Variants in PHLPP1 observed in about 807,000 individuals in gnomAD.
PHLPP1 encodes the protein PH domain leucine-rich repeat-containing protein phosphatase 1.
Under a neutral mutation model 117.2 loss-of-function variants are expected in PHLPP1, and 42 were observed. The observed-to-expected ratio is 0.36, with a 90% CI of 0.28 to 0.46. The LOEUF is 0.46. Ranked by LOEUF, PHLPP1 falls within the 20% of genes least tolerant of loss-of-function variation. The probability of loss-of-function intolerance (pLI) is 1.00; values close to 1 mark genes in which losing one functional copy is unlikely to be tolerated. For synonymous variants in PHLPP1, 1,042 were observed against 970.7 expected (o/e 1.07, Z -1.37); for missense variants, 2,084 against 2,241.9 (o/e 0.93, Z 1.42).
At chr18:62,954,363 C>T (rs1416874777) in intron 12 of PHLPP1, among the ~76,000 whole-genome samples, 4 of 152,188 alleles carry the variant, frequency 2.6e-5, no homozygotes, top group Non-Finnish European at 5.9e-5. Context: ...AGTTGTAGTA[C>T]ACTAACCATA....
chr18:62,722,428 C>T (rs896170652), intron 1 of PHLPP1, among the ~76,000 whole-genome samples: 5 of 152,108 alleles, frequency 3.3e-5, no homozygotes, highest in East Asian at 1.9e-4. Flanking sequence ...CCTTTAAAGA[C>T]GCCTGACATT....
intron 1 of PHLPP1, among the ~76,000 whole-genome samples, chr18:62,822,174 C>G (rs893766567): frequency 6.6e-5 from 10 of 151,744 alleles, no homozygotes; most frequent in African/African-American, 2.4e-4. Context: ...CTCCAATATC[C>G]CTTTCTGATT....
At chr18:62,912,510 C>G (rs939461014) in intron 8 of PHLPP1, among the ~76,000 whole-genome samples, 5 of 151,994 alleles carry the variant, frequency 3.3e-5, no homozygotes, top group Non-Finnish European at 7.4e-5. Flanking sequence ...TCCTCCCACC[C>G]CCCAGCAACC....
chr18:62,972,391 AATC>A (rs1372778389), intron 14 of PHLPP1, 120 bp from the exon 15 acceptor site: 3 of 802,170 alleles, frequency 3.7e-6, no homozygotes, highest in Non-Finnish European at 5.8e-6. Flanking sequence ...ACCTGCCCTT[AATC>A]TGTCTGGAGT....
chr18:62,897,976 T>C (rs925369920), intron 6 of PHLPP1, among the ~76,000 whole-genome samples: 2 of 91,386 alleles, frequency 2.2e-5, no homozygotes, highest in South Asian at 7.4e-4. Flanking sequence ...TTGAGTTTGA[T>C]ATTATTTCTT....
At chr18:62,771,794 C>A (rs1413062605) in intron 1 of PHLPP1, among the ~76,000 whole-genome samples, 1 of 152,186 alleles carries the variant, frequency 6.6e-6, no homozygotes, top group Non-Finnish European at 1.5e-5. Flanking sequence ...ATACCTTCTT[C>A]TGTTAAGAAT....
intron 9 of PHLPP1, among the ~76,000 whole-genome samples, chr18:62,917,703 C>G (rs1463403573): frequency 6.6e-6 from 1 of 151,700 alleles, no homozygotes; most frequent in Non-Finnish European, 1.5e-5. Context: ...GTCCCAGCTA[C>G]TTGGAAGGCT....
At chr18:62,727,821 C>T (rs186553547) in intron 1 of PHLPP1, among the ~76,000 whole-genome samples, 110 of 152,108 alleles carry the variant, frequency 7.2e-4, no homozygotes, top group African/African-American at 2.6e-3. Context: ...CAATTTCCCA[C>T]GCCATCGTCA....
intron 4 of PHLPP1, among the ~76,000 whole-genome samples, chr18:62,891,237 A>G (rs1916399694): frequency 6.6e-6 from 1 of 152,222 alleles, no homozygotes; most frequent in Non-Finnish European, 1.5e-5. Flanking sequence ...GAGGACCTTA[A>G]GCAACATTTA....
chr18:62,887,937 CCT>C (rs1916321791), intron 4 of PHLPP1, among the ~76,000 whole-genome samples: 1 of 151,948 alleles, frequency 6.6e-6, no homozygotes, highest in South Asian at 2.1e-4. Flanking sequence ...ATGGGATCTC[CCT>C]GTGTTGCCCA....
chr18:62,915,663 T>C (rs1357931773), intron 9 of PHLPP1, among the ~76,000 whole-genome samples: 1 of 152,242 alleles, frequency 6.6e-6, no homozygotes, highest in Non-Finnish European at 1.5e-5. Context: ...AAAATATTAG[T>C]GGACTTTTAG....
At chr18:62,843,244 A>C (rs1368655980) in intron 3 of PHLPP1, among the ~76,000 whole-genome samples, 1 of 152,186 alleles carries the variant, frequency 6.6e-6, no homozygotes. Flanking sequence ...AAACAAACCA[A>C]CAACAGGAAC....
At chr18:62,746,567 T>A (rs959624793) in intron 1 of PHLPP1, among the ~76,000 whole-genome samples, 4 of 152,202 alleles carry the variant, frequency 2.6e-5, no homozygotes, top group Admixed American at 2.6e-4. Context: ...TTTTTTCTTT[T>A]AAAAAATGTA....
chr18:62,821,774 C>G (rs1347510798), intron 1 of PHLPP1, among the ~76,000 whole-genome samples: 1 of 146,388 alleles, frequency 6.8e-6, no homozygotes, highest in African/African-American at 2.5e-5. Flanking sequence ...TTTTTTGAGA[C>G]AGAGTCTTGC....
At chr18:62,899,444 C>T (rs1285003077) in intron 6 of PHLPP1, among the ~76,000 whole-genome samples, 1 of 152,138 alleles carries the variant, frequency 6.6e-6, no homozygotes, top group South Asian at 2.1e-4. Flanking sequence ...TTTTCTTCTC[C>T]CATGTACACC....
chr18:62,930,767 C>CA (rs1050788744), intron 10 of PHLPP1, among the ~76,000 whole-genome samples: 141 of 152,302 alleles, frequency 9.3e-4, no homozygotes, highest in African/African-American at 3.2e-3. Context: ...AGAACATTCT[C>CA]AAAGATTGAC....
At chr18:62,842,184 A>G in intron 3 of PHLPP1, among the ~76,000 whole-genome samples, 1 of 152,120 alleles carries the variant, frequency 6.6e-6, no homozygotes, top group East Asian at 1.9e-4. Flanking sequence ...AGTATTATCT[A>G]TTTGTAATGT....
chr18:62,793,350 G>T (rs1481487626), intron 1 of PHLPP1, among the ~76,000 whole-genome samples: 1 of 152,132 alleles, frequency 6.6e-6, no homozygotes, highest in Non-Finnish European at 1.5e-5. Flanking sequence ...TTCAAAGCTA[G>T]GTTTTACCAC....
At chr18:62,842,368 C>T (rs1312007851) in intron 3 of PHLPP1, among the ~76,000 whole-genome samples, 1 of 143,276 alleles carries the variant, frequency 7.0e-6, no homozygotes, top group Non-Finnish European at 1.5e-5. Flanking sequence ...TAAATGCAGA[C>T]TTTTTTTTTT....
Sources: gnomAD v4.1 joint callset for allele counts (sites outside exome capture counted in the v4.1 genomes callset) on GRCh38, gnomAD v4.1.1 for gene constraint, MANE v1.5 for transcripts, NCBI Gene and HGNC (gene_info 2026-07-23, HGNC 2026-07-21) for gene names.